EWSR1: variants seen among roughly 807,000 people sequenced by gnomAD.
EWSR1 encodes the protein RNA-binding protein EWS.
A neutral mutation model predicts 92.1 loss-of-function variants in EWSR1; 14 were observed. The observed-to-expected ratio is 0.15, with a 90% CI of 0.10 to 0.24. EWSR1 has a LOEUF of 0.24. Ranked by LOEUF, EWSR1 falls within the 10% of genes least tolerant of loss-of-function variation. The pLI, the probability that EWSR1 is intolerant of heterozygous loss-of-function variation, is 1.00. For missense variants in EWSR1, 637 were observed against 870.9 expected (o/e 0.73, Z 3.38); for synonymous variants, 303 against 292.9 (o/e 1.03, Z -0.35).
intron 8 of EWSR1, chr22:29,291,239 A>G (rs1175222513): frequency 6.0e-6 from 2 of 330,594 alleles, no homozygotes; most frequent in Non-Finnish European, 1.1e-5. Flanking sequence ...CTCTATACCA[A>G]GCTCTTCTGG....
intron 6 of EWSR1, among the ~76,000 whole-genome samples, chr22:29,284,177 C>T (rs1357416248): frequency 6.6e-6 from 1 of 151,082 alleles, no homozygotes; most frequent in Non-Finnish European, 1.5e-5. Context: ...ACAATGTTGG[C>T]CAGGCTGGTC....
chr22:29,272,530 G>A, intron 3 of EWSR1, 99 bp downstream of exon 3: 3 of 1,222,442 alleles, frequency 2.5e-6, no homozygotes, highest in South Asian at 2.5e-5. Flanking sequence ...TGAGTAATGT[G>A]TTTGGAATAG....
At chr22:29,298,494 G>A (rs2061052797) in intron 13 of EWSR1, among the ~76,000 whole-genome samples, 2 of 143,454 alleles carry the variant, frequency 1.4e-5, no homozygotes, top group South Asian at 4.5e-4. Context: ...GCAACAGTGT[G>A]AGACTCCGTC....
chr22:29,276,277 C>T (rs949271162), intron 4 of EWSR1: 10 of 229,806 alleles, frequency 4.4e-5, no homozygotes, highest in Middle Eastern at 1.3e-3. Context: ...TAGGACTCTG[C>T]AAAAACTTAA....
At chr22:29,299,995 TGGAAG>T in intron 16 of EWSR1, 122 bp from the exon 17 acceptor site, 3 of 1,156,328 alleles carry the variant, frequency 2.6e-6, no homozygotes, top group Non-Finnish European at 2.3e-6. Context: ...CTGGGGGCTC[TGGAAG>T]GGCTTCCTCA....
intron 8 of EWSR1, chr22:29,289,544 T>C (rs1002940531): frequency 4.3e-5 from 10 of 232,504 alleles, no homozygotes; most frequent in African/African-American, 2.0e-4. Context: ...GTCTGTACTT[T>C]GATGAAGGTG....
intron 14 of EWSR1, 114 bp downstream of exon 14, chr22:29,299,009 TG>T: frequency 7.4e-7 from 1 of 1,346,208 alleles, no homozygotes. Context: ...ATGACCCTGA[TG>T]GCTGGTTAGG....
At chr22:29,295,664 G>A (rs538645693) in intron 11 of EWSR1, 1 of 223,050 alleles carries the variant, frequency 4.5e-6, no homozygotes, top group Non-Finnish European at 8.9e-6. Flanking sequence ...AACTGATCGT[G>A]TGCATATATA....
intron 15 of EWSR1, 53 bp downstream of exon 15, chr22:29,299,384 T>C (rs564412572): frequency 1.9e-6 from 3 of 1,572,220 alleles, no homozygotes; most frequent in East Asian, 4.5e-5. Context: ...TAAACCTCTT[T>C]TCTTATTTGT....
chr22:29,282,382 C>T lies in EWSR1; in HGVS notation c.414-8C>T, dbSNP rs753893849. ...CTTTTTAATTTTATTTATTATTTCT[C>T]CTCTTAGACCGCAGGATGGAAACAA... On this transcript the variant is annotated splice_polypyrimidine_tract_variant and splice_region_variant and intron_variant, in intron 5 of 16. Transcript: ENST00000397938. The T allele has an allele frequency of 1.4e-5, 21 of 1,554,458 alleles. No homozygotes were observed. In the South Asian group the frequency reaches 2.1e-4, roughly 16 times the overall value.
At chr22:29,274,937 A>T (rs1316410277) in intron 4 of EWSR1, among the ~76,000 whole-genome samples, 1 of 152,214 alleles carries the variant, frequency 6.6e-6, no homozygotes, top group Non-Finnish European at 1.5e-5. Flanking sequence ...TCTTAAAGAT[A>T]TCAGAGCTCT....
chr22:29,291,756 G>A, intron 9 of EWSR1, 157 bp downstream of exon 9: 1 of 668,296 alleles, frequency 1.5e-6, no homozygotes, highest in Non-Finnish European at 2.5e-6. Context: ...GGGTTAATAA[G>A]GTTAACCTAT....
Position 29,300,230 on chromosome 22 carries a change from T to G in EWSR1, c.*69T>G. ...TTTAAACCAGAAAATGTTTTAAATT[T>G]ATAATTCCATATTTATAATGTTGGC... On this transcript the variant is annotated 3_prime_UTR_variant, in exon 17 of 17. Coordinates refer to ENST00000397938, the MANE Select transcript of EWSR1 (RefSeq NM_005243.4). 7.2e-7 allele frequency: 1 copy of G among 1,394,340 alleles called. No homozygotes were observed. Among genetic ancestry groups the G allele is most frequent in the Non-Finnish European group, 1.0e-6 (1 of 988,952 alleles). 86.4% of individuals were successfully genotyped at this position (1,394,340 alleles called of 1,614,324 possible).
chr22:29,277,386 A>T (rs1306595556), intron 4 of EWSR1: 1 of 223,172 alleles, frequency 4.5e-6, no homozygotes, highest in East Asian at 6.6e-5. Context: ...AATTTTAAAT[A>T]ATTTACAAAA....
At chr22:29,275,194 G>T (rs2059008352) in intron 4 of EWSR1, among the ~76,000 whole-genome samples, 1 of 152,216 alleles carries the variant, frequency 6.6e-6, no homozygotes, top group Non-Finnish European at 1.5e-5. Context: ...ATAGAATTTT[G>T]AAATTGTGAG....
intron 4 of EWSR1, chr22:29,276,799 C>T (rs566749907): frequency 5.6e-5 from 13 of 231,166 alleles, no homozygotes; most frequent in African/African-American, 2.0e-4. Context: ...TGAAGGCTCA[C>T]GCCACCATGC....
At chr22:29,281,647 C>G (rs1429434805) in intron 5 of EWSR1, among the ~76,000 whole-genome samples, 1 of 152,072 alleles carries the variant, frequency 6.6e-6, no homozygotes, top group Non-Finnish European at 1.5e-5. Flanking sequence ...GTGGCGCGAT[C>G]TCGGCTCACT....
In EWSR1 at chr22:29,296,258, A is replaced by AACC. The variant is rs1569115037; in HGVS notation, c.1185_1187dup (p.Pro396dup). ...GTCTAGATGAACAAGAGAACTGGGC[A>AACC]ACCCATGATCCACATCTACCTGGAC... On this transcript the variant is annotated inframe_insertion, in exon 12 of 17. Transcript: ENST00000397938. 6.2e-7 allele frequency: 1 copy of AACC among 1,614,174 alleles called. No individual in the cohort carries two copies. The highest frequency in any genetic ancestry group is 8.5e-7 in the Non-Finnish European group (1 of 1,180,004).
At chr22:29,280,875 T>G (rs1178650565) in intron 5 of EWSR1, among the ~76,000 whole-genome samples, 40 of 104,802 alleles carry the variant, frequency 3.8e-4, no homozygotes, top group African/African-American at 1.3e-3. Flanking sequence ...TTTTTTTTTT[T>G]TTTTTTTTTT....
Sources: gnomAD v4.1 joint callset for allele counts (sites outside exome capture counted in the v4.1 genomes callset) on GRCh38, gnomAD v4.1.1 for gene constraint, MANE v1.5 for transcripts, NCBI Gene and HGNC (gene_info 2026-07-23, HGNC 2026-07-21) for gene names.